Variants in SIL1 observed in about 807,000 individuals in gnomAD.
The protein encoded by SIL1 is SIL1 nucleotide exchange factor.
SIL1 carries 40 observed loss-of-function variants against 49.1 expected under a neutral mutation model. The ratio of observed to expected loss-of-function variants is 0.81; its 90% CI spans 0.63 to 1.06. The LOEUF is 1.06. SIL1 is among the 50% of genes least tolerant of loss of function. The pLI, the probability that SIL1 is intolerant of heterozygous loss-of-function variation, is 0.00. For synonymous variants in SIL1, 253 were observed against 250.8 expected, an observed-to-expected ratio of 1.01 and a Z score of -0.08; for missense variants, 500 against 572.6, an observed-to-expected ratio of 0.87 and a Z score of 1.29.
chr5:139,072,267 A>G (rs1377259187), intron 3 of SIL1, among the ~76,000 whole-genome samples: 1 of 152,234 alleles, frequency 6.6e-6, no homozygotes, highest in Non-Finnish European at 1.5e-5. Flanking sequence ...TCTAAAATGA[A>G]AAATAACTCA....
intron 1 of SIL1, among the ~76,000 whole-genome samples, chr5:139,170,709 C>T (rs1159554239): frequency 3.4e-4 from 51 of 151,610 alleles, no homozygotes; most frequent in African/African-American, 1.2e-3. Flanking sequence ...CCCCTCCGCC[C>T]GGCAGCCACC....
intron 3 of SIL1, among the ~76,000 whole-genome samples, chr5:139,063,354 A>G (rs907834055): frequency 1.2e-4 from 18 of 152,168 alleles, no homozygotes; most frequent in African/African-American, 4.1e-4. Flanking sequence ...GGAATAAAGA[A>G]AACTGGGGCT....
chr5:138,951,759 T>G, intron 8 of SIL1, 29 bp downstream of exon 8: 2 of 1,601,358 alleles, frequency 1.2e-6, no homozygotes, highest in Non-Finnish European at 1.7e-6. Flanking sequence ...TCCTGGAGGC[T>G]GGGCAGGAGG....
chr5:138,998,255 C>T (rs1767914104), intron 7 of SIL1, among the ~76,000 whole-genome samples: 2 of 152,158 alleles, frequency 1.3e-5, no homozygotes, highest in Admixed American at 1.3e-4. Flanking sequence ...TCACAGCTCA[C>T]TGAGGCTTCA....
chr5:138,996,372 AT>A (rs977223236), intron 7 of SIL1, among the ~76,000 whole-genome samples: 22 of 150,420 alleles, frequency 1.5e-4, no homozygotes, highest in Admixed American at 1.2e-3. Flanking sequence ...TTTTAATCAG[AT>A]TTTTTTTTGC....
rs565842474 is a variant in SIL1 at position 139,048,819 on chromosome 5, G to A, written c.353+2119C>T. 4.6e-5 allele frequency among the ~76,000 whole-genome samples: 7 copies of A among 152,360 alleles called. No homozygotes were observed. In the East Asian group the frequency reaches 9.6e-4, roughly 21 times the overall value. ...GGACGAAAGAAGTTTGGCAGGGGCC[G>A]TGACAATGACAGCTGATTATTTCTT... On this transcript the variant is annotated intron_variant, in intron 4 of 9. Coordinates refer to ENST00000394817, the MANE Select transcript of SIL1 (RefSeq NM_022464.5).
At chr5:139,179,744 A>T (rs1751949304) in intron 1 of SIL1, among the ~76,000 whole-genome samples, 1 of 152,174 alleles carries the variant, frequency 6.6e-6, no homozygotes, top group African/African-American at 2.4e-5. Context: ...TTGTCCAACT[A>T]TTGAATGGTA....
chr5:139,010,949 T>C (rs1768247155), intron 7 of SIL1, among the ~76,000 whole-genome samples: 2 of 147,792 alleles, frequency 1.4e-5, no homozygotes, highest in Non-Finnish European at 3.0e-5. Flanking sequence ...AGGTGGAGCC[T>C]ACAGAGGCAG....
intron 1 of SIL1, among the ~76,000 whole-genome samples, chr5:139,153,706 G>A (rs1303486404): frequency 1.3e-5 from 2 of 152,118 alleles, no homozygotes; most frequent in Non-Finnish European, 2.9e-5. Flanking sequence ...TTAAGTAACT[G>A]AGATACAAAG....
At chr5:139,022,027 C>G (rs972475495) in intron 6 of SIL1, 2 of 153,856 alleles carry the variant, frequency 1.3e-5, no homozygotes, top group Non-Finnish European at 2.9e-5. Flanking sequence ...TCCGGATTCT[C>G]TCTTTTACTC....
intron 1 of SIL1, among the ~76,000 whole-genome samples, chr5:139,191,858 C>T (rs1410580401): frequency 6.6e-6 from 1 of 151,802 alleles, no homozygotes; most frequent in African/African-American, 2.4e-5. Context: ...CGGCAGATCT[C>T]GAGGCCAGGA....
At chr5:139,189,766 A>G (rs1752135350) in intron 1 of SIL1, among the ~76,000 whole-genome samples, 1 of 152,226 alleles carries the variant, frequency 6.6e-6, no homozygotes, top group South Asian at 2.1e-4. Context: ...GGTTGCAGTG[A>G]GCCAAGACTG....
chr5:138,992,393 G>A (rs1222415757), intron 7 of SIL1, among the ~76,000 whole-genome samples: 1 of 152,140 alleles, frequency 6.6e-6, no homozygotes, highest in African/African-American at 2.4e-5. Context: ...CATGCTCTTG[G>A]GTGAGGACCC....
At chr5:138,998,801 T>G (rs1463830434) in intron 7 of SIL1, among the ~76,000 whole-genome samples, 1 of 151,904 alleles carries the variant, frequency 6.6e-6, no homozygotes, top group Non-Finnish European at 1.5e-5. Flanking sequence ...GAATTATCTT[T>G]CTTTTTGTTT....
chr5:139,083,107 T>C (rs1157019396), intron 3 of SIL1, among the ~76,000 whole-genome samples: 6 of 152,168 alleles, frequency 3.9e-5, no homozygotes, highest in Non-Finnish European at 5.9e-5. Context: ...CATAAATTAC[T>C]GTAACCTGAG....
At chr5:138,994,222 A>G (rs1297904328) in intron 7 of SIL1, among the ~76,000 whole-genome samples, 1 of 152,218 alleles carries the variant, frequency 6.6e-6, no homozygotes, top group African/African-American at 2.4e-5. Flanking sequence ...TTTTTATATT[A>G]AATGATACGA....
At chr5:139,064,470 A>C (rs560041502) in intron 3 of SIL1, among the ~76,000 whole-genome samples, 93 of 152,342 alleles carry the variant, frequency 6.1e-4, no homozygotes, top group Non-Finnish European at 1.1e-3. Context: ...ACTGGTCCTA[A>C]GTCCTTGTCC....
intron 1 of SIL1, among the ~76,000 whole-genome samples, chr5:139,186,716 A>G (rs554200080): frequency 6.6e-6 from 1 of 152,312 alleles, no homozygotes; most frequent in South Asian, 2.1e-4. Context: ...ACATCAGCTG[A>G]CCAAATAGCA....
chr5:139,175,794 C>T (rs1751869004), intron 1 of SIL1, among the ~76,000 whole-genome samples: 1 of 152,154 alleles, frequency 6.6e-6, no homozygotes, highest in South Asian at 2.1e-4. Context: ...GAAAACCCGT[C>T]TCTACTAAAA....
Sources: gnomAD v4.1 joint callset for allele counts (sites outside exome capture counted in the v4.1 genomes callset) on GRCh38, gnomAD v4.1.1 for gene constraint, MANE v1.5 for transcripts, NCBI Gene and HGNC (gene_info 2026-07-23, HGNC 2026-07-21) for gene names.